The following DPP10 variants were observed in gnomAD, a reference collection of about 807,000 sequenced individuals.
DPP10 encodes inactive dipeptidyl peptidase 10.
DPP10 carries 33 observed loss-of-function variants against 120.9 expected under a neutral mutation model. That is an observed-to-expected ratio of 0.27 (90% CI 0.21 to 0.37). DPP10 has a LOEUF of 0.37. Among genes scored for constraint, DPP10 ranks in the 10% least tolerant of loss-of-function variants. DPP10 has a pLI of 1.00. For synonymous variants in DPP10, 337 were observed against 326.1 expected (o/e 1.03, Z -0.36); for missense variants, 816 against 942.8 (o/e 0.87, Z 1.76).
At chr2:115,162,413 A>AC (rs1260054708) in intron 1 of DPP10, 11 of 1,237,840 alleles carry the variant, frequency 8.9e-6, no homozygotes, top group Non-Finnish European at 1.2e-5. Flanking sequence ...ACGGCCGCTC[A>AC]CCGGGTTCGA....
In DPP10 at chr2:114,822,558, C is replaced by G. The variant is rs142865567; in HGVS notation, c.60+379720C>G. ...ACTGTAGCAGGGTTGAATTTCTCCC[C>G]AGAAAATTGGTTTTGCTTTTGTATT... On this transcript the variant is annotated intron_variant, in intron 1 of 25. Transcript: ENST00000410059. Among the ~76,000 whole-genome samples the G allele has an allele frequency of 3.0e-3, 461 of 152,140 alleles. 3 individuals are homozygous for G. Among genetic ancestry groups the G allele is most frequent in the African/African-American group, 0.011 (448 of 41,506 alleles).
intron 1 of DPP10, among the ~76,000 whole-genome samples, chr2:115,080,648 T>C (rs561209585): frequency 6.6e-6 from 1 of 152,294 alleles, no homozygotes; most frequent in African/African-American, 2.4e-5. Flanking sequence ...TCTAGCCCCA[T>C]ATAGATAAAG....
At chr2:115,071,159 A>C (rs906806151) in intron 1 of DPP10, among the ~76,000 whole-genome samples, 1 of 152,190 alleles carries the variant, frequency 6.6e-6, no homozygotes, top group African/African-American at 2.4e-5. Context: ...AAGAGTCAGC[A>C]ATAGAAAATT....
At chr2:114,589,643 A>T (rs1236883692) in intron 1 of DPP10, among the ~76,000 whole-genome samples, 1 of 152,214 alleles carries the variant, frequency 6.6e-6, no homozygotes, top group East Asian at 1.9e-4. Context: ...AGCACTAACT[A>T]TACATACCAA....
At chr2:115,415,841 TTATATATATATATA>T (rs70941057) in intron 3 of DPP10, among the ~76,000 whole-genome samples, 28 of 74,288 alleles carry the variant, frequency 3.8e-4, no homozygotes, top group Admixed American at 2.9e-3. Context: ...TGATTTGCTT[TTATATATATATATA>T]TATATATATA....
chr2:115,564,328 A>G (rs2080871368), intron 5 of DPP10, among the ~76,000 whole-genome samples: 1 of 151,604 alleles, frequency 6.6e-6, no homozygotes, highest in South Asian at 2.1e-4. Flanking sequence ...GTAAAAAAGT[A>G]AGACACTAAA....
intron 1 of DPP10, among the ~76,000 whole-genome samples, chr2:115,158,411 A>G (rs1295916601): frequency 6.6e-6 from 1 of 152,216 alleles, no homozygotes; most frequent in Non-Finnish European, 1.5e-5. Context: ...GTTGTATGTG[A>G]GGAAGTTTTT....
At chr2:114,696,722 CGT>C (rs200540034) in intron 1 of DPP10, among the ~76,000 whole-genome samples, 2 of 151,246 alleles carry the variant, frequency 1.3e-5, no homozygotes, top group Non-Finnish European at 2.9e-5. Flanking sequence ...CTAAACTCTG[CGT>C]GTGTGTGTGC....
At chr2:115,347,384 C>T (rs1325564247) in intron 3 of DPP10, among the ~76,000 whole-genome samples, 5 of 152,098 alleles carry the variant, frequency 3.3e-5, no homozygotes, top group Admixed American at 3.3e-4. Context: ...AAAGGTAGGT[C>T]AGTGCATTTC....
chr2:115,297,894 G>A (rs1009816160), intron 1 of DPP10, among the ~76,000 whole-genome samples: 3 of 152,002 alleles, frequency 2.0e-5, no homozygotes, highest in Non-Finnish European at 2.9e-5. Context: ...CCAGTCTGTA[G>A]ATCACTGACA....
intron 1 of DPP10, among the ~76,000 whole-genome samples, chr2:115,247,668 T>C (rs113121398): frequency 4.1e-4 from 62 of 152,116 alleles, no homozygotes; most frequent in African/African-American, 1.5e-3. Flanking sequence ...TACTTTTCAG[T>C]GGAGTGGCTG....
chr2:114,991,635 T>C (rs1255263930), intron 1 of DPP10, among the ~76,000 whole-genome samples: 1 of 152,234 alleles, frequency 6.6e-6, no homozygotes, highest in African/African-American at 2.4e-5. Context: ...TAATTTGTTA[T>C]GGATGAGGCA....
chr2:114,929,980 G>T (rs571677109), intron 1 of DPP10, among the ~76,000 whole-genome samples: 2 of 152,084 alleles, frequency 1.3e-5, no homozygotes, highest in African/African-American at 4.8e-5. Context: ...CAGTCCCTCC[G>T]TTCAGGGTCC....
At chr2:114,899,597 T>A (rs1318970848) in intron 1 of DPP10, among the ~76,000 whole-genome samples, 1 of 150,164 alleles carries the variant, frequency 6.7e-6, no homozygotes, top group African/African-American at 2.5e-5. Context: ...TTGAAGCTTA[T>A]GTAATGAAAT....
intron 1 of DPP10, among the ~76,000 whole-genome samples, chr2:115,187,707 A>G (rs2054561389): frequency 6.6e-6 from 1 of 152,110 alleles, no homozygotes; most frequent in Non-Finnish European, 1.5e-5. Context: ...TGGGAGCATG[A>G]CAAAGCTCAG....
intron 1 of DPP10, among the ~76,000 whole-genome samples, chr2:115,204,860 T>C (rs1026021868): frequency 1.3e-5 from 2 of 152,204 alleles, no homozygotes; most frequent in African/African-American, 4.8e-5. Flanking sequence ...TGTTAAGTAT[T>C]TTTTCATGTT....
At chr2:115,117,685 G>C (rs867417857) in intron 1 of DPP10, among the ~76,000 whole-genome samples, 3 of 152,174 alleles carry the variant, frequency 2.0e-5, no homozygotes, top group African/African-American at 7.2e-5. Flanking sequence ...ATAGATTTCT[G>C]AAAACGCTTT....
chr2:115,339,730 G>A (rs527592759), intron 2 of DPP10, among the ~76,000 whole-genome samples: 1 of 152,126 alleles, frequency 6.6e-6, no homozygotes, highest in Non-Finnish European at 1.5e-5. Flanking sequence ...TGGTATGATT[G>A]TGATTATATA....
intron 5 of DPP10, among the ~76,000 whole-genome samples, chr2:115,565,016 A>G (rs938484386): frequency 6.6e-6 from 1 of 152,098 alleles, no homozygotes. Flanking sequence ...TCTGGCACCA[A>G]CTGGCCTTCT....
Sources: gnomAD v4.1 joint callset for allele counts (sites outside exome capture counted in the v4.1 genomes callset) on GRCh38, gnomAD v4.1.1 for gene constraint, MANE v1.5 for transcripts, NCBI Gene and HGNC (gene_info 2026-07-23, HGNC 2026-07-21) for gene names.